Variants in KCNQ5 observed in about 807,000 individuals in gnomAD.
KCNQ5 encodes potassium voltage-gated channel subfamily Q member 5.
In KCNQ5, 30 loss-of-function variants were observed where a neutral mutation model predicts 98.2. That is an observed-to-expected ratio of 0.31 (90% CI 0.23 to 0.41). The LOEUF (loss-of-function observed/expected upper bound fraction) is 0.41. Ranked by LOEUF, KCNQ5 falls within the 10% of genes least tolerant of loss-of-function variation. The pLI is 1.00. For synonymous variants in KCNQ5, 458 were observed against 449.4 expected (o/e 1.02, Z -0.24); for missense variants, 835 against 1,182.5 (o/e 0.71, Z 4.31).
At chr6:72,769,847 G>T (rs777010013) in intron 1 of KCNQ5, among the ~76,000 whole-genome samples, 7 of 152,052 alleles carry the variant, frequency 4.6e-5, no homozygotes, top group Non-Finnish European at 1.0e-4. Flanking sequence ...AGTTCATCAG[G>T]CTTTGGAGAT....
chr6:72,923,330 G>T (rs1307687815), intron 1 of KCNQ5, among the ~76,000 whole-genome samples: 4 of 152,016 alleles, frequency 2.6e-5, no homozygotes, highest in African/African-American at 9.7e-5. Context: ...TTCCATAATG[G>T]CTGTAATAAC....
At chr6:72,983,823 G>C (rs548551654) in intron 1 of KCNQ5, among the ~76,000 whole-genome samples, 1 of 152,016 alleles carries the variant, frequency 6.6e-6, no homozygotes. Context: ...ATCTACCTTT[G>C]GTCTTTGATG....
chr6:73,002,670 A>G (rs1382434152), intron 1 of KCNQ5, among the ~76,000 whole-genome samples: 2 of 152,190 alleles, frequency 1.3e-5, no homozygotes, highest in African/African-American at 2.4e-5. Flanking sequence ...AGGGGTCAAC[A>G]AACATTTCTG....
chr6:72,796,888 A>G lies in KCNQ5; in HGVS notation c.398+174301A>G, dbSNP rs371312791. Among the ~76,000 whole-genome samples the G allele has an allele frequency of 4.6e-5, 7 of 152,322 alleles. No homozygotes were observed. The East Asian group carries it at 1.4e-3, about 29-fold the overall frequency. ...TGGGATTAAAGGGCAAGAACATCTA[A>G]TGGTGAATCTGTTCAATGAATATAA... On this transcript the variant is annotated intron_variant, in intron 1 of 13. Transcript: ENST00000370398.
chr6:72,852,642 T>TAA (rs1350545928), intron 1 of KCNQ5, among the ~76,000 whole-genome samples: 8 of 119,194 alleles, frequency 6.7e-5, no homozygotes, highest in African/African-American at 2.7e-4. Flanking sequence ...GAAGGGGAAA[T>TAA]ATATATATAT....
At chr6:72,793,378 A>C (rs1157793855) in intron 1 of KCNQ5, among the ~76,000 whole-genome samples, 1 of 152,220 alleles carries the variant, frequency 6.6e-6, no homozygotes, top group Non-Finnish European at 1.5e-5. Context: ...TGCCAATAAA[A>C]CATGCCCATA....
chr6:72,624,962 A>G (rs1313566429), intron 1 of KCNQ5, among the ~76,000 whole-genome samples: 3 of 152,212 alleles, frequency 2.0e-5, no homozygotes, highest in South Asian at 2.1e-4. Flanking sequence ...CTAGACCCCA[A>G]TAAAATAATT....
At chr6:72,743,257 A>G (rs1261479717) in intron 1 of KCNQ5, among the ~76,000 whole-genome samples, 1 of 151,912 alleles carries the variant, frequency 6.6e-6, no homozygotes, top group African/African-American at 2.4e-5. Context: ...AATAGGCTTT[A>G]GTTTTTCTTC....
At chr6:72,623,020 AC>A (rs2098916237) in intron 1 of KCNQ5, among the ~76,000 whole-genome samples, 1 of 151,964 alleles carries the variant, frequency 6.6e-6, no homozygotes, top group Admixed American at 6.6e-5. Context: ...GCGGGGTAGG[AC>A]GGGGAGAAGT....
At chr6:73,064,932 G>C (rs1205151952) in intron 3 of KCNQ5, among the ~76,000 whole-genome samples, 2 of 151,798 alleles carry the variant, frequency 1.3e-5, no homozygotes, top group African/African-American at 2.4e-5. Context: ...CAGAAACACA[G>C]CTTCCTTACC....
At chr6:73,059,136 C>T (rs867575288) in intron 3 of KCNQ5, among the ~76,000 whole-genome samples, 1 of 152,170 alleles carries the variant, frequency 6.6e-6, no homozygotes, top group African/African-American at 2.4e-5. Flanking sequence ...CAGTACTATT[C>T]ACAATAGCAA....
chr6:73,061,536 T>C (rs1277871952), intron 3 of KCNQ5, among the ~76,000 whole-genome samples: 2 of 152,172 alleles, frequency 1.3e-5, no homozygotes, highest in Non-Finnish European at 2.9e-5. Flanking sequence ...CCAGGCACTT[T>C]TGTCATTGCA....
In KCNQ5 at chr6:73,045,292, T is replaced by A. The variant is rs909736610; in HGVS notation, c.616+3230T>A. Among the ~76,000 whole-genome samples the A allele has an allele frequency of 5.9e-5, 9 of 152,292 alleles. No homozygotes were observed. The Middle Eastern group carries it at 0.014, about 230-fold the overall frequency. ...AAGGGAAGAAATAAATCTATTTAAC[T>A]TTTTTTAATTAGGTACTTTGTTTCA... On this transcript the variant is annotated intron_variant, in intron 3 of 13. Transcript: ENST00000370398.
At chr6:73,172,665 C>T (rs975951184) in intron 11 of KCNQ5, among the ~76,000 whole-genome samples, 3 of 152,110 alleles carry the variant, frequency 2.0e-5, no homozygotes, top group African/African-American at 7.2e-5. Context: ...CTTGCAGCTC[C>T]CCTGAAGCAG....
chr6:73,042,265 T>C, intron 3 of KCNQ5: 1 of 595,588 alleles, frequency 1.7e-6, no homozygotes, highest in Non-Finnish European at 3.0e-6. Context: ...ATTATCCCCA[T>C]TTTACAGTTG....
At chr6:72,826,599 C>T (rs1327483216) in intron 1 of KCNQ5, among the ~76,000 whole-genome samples, 1 of 151,786 alleles carries the variant, frequency 6.6e-6, no homozygotes, top group East Asian at 1.9e-4. Context: ...GTTTGTTTGA[C>T]AAATAATAAT....
At chr6:72,724,457 A>T (rs1161287612) in intron 1 of KCNQ5, among the ~76,000 whole-genome samples, 1 of 152,178 alleles carries the variant, frequency 6.6e-6, no homozygotes, top group Non-Finnish European at 1.5e-5. Context: ...TTCCCCTCTG[A>T]CCTGTGGAAT....
intron 2 of KCNQ5, among the ~76,000 whole-genome samples, chr6:73,028,312 A>C (rs1174133414): frequency 6.6e-6 from 1 of 152,134 alleles, no homozygotes; most frequent in Non-Finnish European, 1.5e-5. Flanking sequence ...TCCTCCCTCG[A>C]GGCTTCATGG....
intron 1 of KCNQ5, among the ~76,000 whole-genome samples, chr6:72,882,090 A>G (rs1474713695): frequency 1.3e-5 from 2 of 152,242 alleles, no homozygotes; most frequent in African/African-American, 4.8e-5. Context: ...TAAAAAAATA[A>G]AAGGATGGAA....
Sources: gnomAD v4.1 joint callset for allele counts (sites outside exome capture counted in the v4.1 genomes callset) on GRCh38, gnomAD v4.1.1 for gene constraint, MANE v1.5 for transcripts, NCBI Gene and HGNC (gene_info 2026-07-23, HGNC 2026-07-21) for gene names.